Variants in PIK3R5 observed in about 807,000 individuals in gnomAD.
PIK3R5 encodes the protein phosphoinositide 3-kinase regulatory subunit 5.
Under a neutral mutation model 94.9 loss-of-function variants are expected in PIK3R5, and 32 were observed. The ratio of observed to expected loss-of-function variants is 0.34; its 90% CI spans 0.25 to 0.45. The LOEUF (loss-of-function observed/expected upper bound fraction) is 0.45. Ranked by LOEUF, PIK3R5 falls within the 20% of genes least tolerant of loss-of-function variation. PIK3R5 has a pLI of 1.00. For synonymous variants in PIK3R5, 443 were observed against 479.4 expected (o/e 0.92, Z 0.99); for missense variants, 853 against 1,144.6 (o/e 0.75, Z 3.68).
At position 8,904,734 on chromosome 17, in the gene PIK3R5, C is replaced by T. The variant is rs747313258; in HGVS notation, c.412+43G>A. ...TTCAGAGGAGTTGGAAGCATTCTGA[C>T]CTTCTGAGCCCTGTCCCCCGTGCCA... On this transcript the variant is annotated intron_variant, in intron 5 of 18. Coordinates refer to ENST00000447110, the MANE Select transcript of PIK3R5 (RefSeq NM_001142633.3). This position sits in a 1 kb window ranked among gnomAD's most constrained non-coding sequence, Gnocchi z 5.1. 3.1e-5 allele frequency: 49 copies of T among 1,602,062 alleles called. No individual in the cohort carries two copies. The highest frequency in any genetic ancestry group is 3.4e-5 in the Non-Finnish European group (40 of 1,171,654).
Position 8,902,249 on chromosome 17 carries a change from A to ATTTT in PIK3R5, c.412+2524_412+2527dup, listed in dbSNP as rs397960477. 6.5e-5 allele frequency among the ~76,000 whole-genome samples: 5 copies of ATTTT among 77,192 alleles called. 1 individual carries two copies. In the East Asian group the frequency reaches 1.3e-3, roughly 19 times the overall value. 50.6% of individuals were successfully genotyped at this position (77,192 alleles called of 152,430 possible). On this transcript the variant is annotated intron_variant, in intron 5 of 18. Transcript: ENST00000447110. ...ACCTCTTCATGGGTTTGATATATTA[A>ATTTT]TTTTTTTTTTTTTTTTTTTTTTTTT...
Position 8,904,643 on chromosome 17 carries a change from T to C in PIK3R5, c.412+134A>G. 1.2e-6 allele frequency: 1 copy of C among 824,120 alleles called. No homozygotes were observed. The highest frequency in any genetic ancestry group is 1.7e-5 in the South Asian group (1 of 60,498). The allele number at this position is 824,120 out of a possible 1,614,324, so 51.1% of individuals were successfully genotyped here. ...TGCTGTGAAGAGGAGACTCCATGTT[T>C]GTGAACCAAGGCGTTGGCAGAGATG... On this transcript the variant is annotated intron_variant, in intron 5 of 18. Coordinates refer to ENST00000447110, the MANE Select transcript of PIK3R5 (RefSeq NM_001142633.3). This position sits in a 1 kb window ranked among gnomAD's most constrained non-coding sequence, Gnocchi z 5.1.
intron 14 of PIK3R5, among the ~76,000 whole-genome samples, chr17:8,885,808 G>T (rs2089826113): frequency 1.0e-5 from 1 of 96,534 alleles, no homozygotes; most frequent in Non-Finnish European, 2.0e-5. Flanking sequence ...GCCCTCCCAT[G>T]GCCCCACCTC....
Position 8,945,612 on chromosome 17 carries a change from A to G in PIK3R5, c.-14+19984T>C, listed in dbSNP as rs1297830004. Among the ~76,000 whole-genome samples, 3 of 152,106 alleles carry G rather than the reference A, an allele frequency of 2.0e-5. No homozygotes were observed. The highest frequency in any genetic ancestry group is 7.2e-5 in the African/African-American group (3 of 41,414). ...CACCGTAGTCCAGAAACAACACAAA[A>G]TGAGAACTCCTCCCCAGAAAAATAG... On this transcript the variant is annotated intron_variant, in intron 1 of 18. Coordinates refer to ENST00000447110, the MANE Select transcript of PIK3R5 (RefSeq NM_001142633.3). The surrounding 1 kb of genome is among the most constrained non-coding windows in gnomAD (Gnocchi z 4.0).
At chr17:8,959,129 C>A (rs2091514511) in intron 1 of PIK3R5, among the ~76,000 whole-genome samples, 5 of 152,156 alleles carry the variant, frequency 3.3e-5, no homozygotes, top group Admixed American at 2.0e-4. Context: ...AACAACAGAG[C>A]AGTGGCCCAG....
At chr17:8,913,507 A>T (rs1309978326) in intron 1 of PIK3R5, among the ~76,000 whole-genome samples, 2 of 152,080 alleles carry the variant, frequency 1.3e-5, no homozygotes, top group Non-Finnish European at 1.5e-5. Context: ...AGGATTTCGA[A>T]TCCAGCCTGG....
Position 8,888,209 on chromosome 17 carries a change from C to G in PIK3R5, c.1578G>C (p.Arg526=), listed in dbSNP as rs757670769. ...TLRVVVFGSD[R]ISGKVARAYS... ...ACGCCCGAGCCACCTTCCCTGAAATCCGATCGGAGCCAAAGACCACAACAC... is the reference window on the plus strand; with the variant it reads ...ACGCCCGAGCCACCTTCCCTGAAATGCGATCGGAGCCAAAGACCACAACAC... The change falls in exon 10 of 19, where the codon CGG becomes CGC. Residue 526 remains arginine, a synonymous_variant. Coordinates refer to ENST00000447110, the MANE Select transcript of PIK3R5 (RefSeq NM_001142633.3). This position sits in a 1 kb window ranked among gnomAD's most constrained non-coding sequence, Gnocchi z 7.8. 1.2e-6 allele frequency: 2 copies of G among 1,613,460 alleles called. No individual in the cohort carries two copies. Among genetic ancestry groups the G allele is most frequent in the South Asian group, 2.2e-5 (2 of 91,078 alleles).
At position 8,890,836 on chromosome 17, in the gene PIK3R5, G is replaced by A. The variant is rs759176797; in HGVS notation, c.559C>T (p.His187Tyr). 18 of 1,613,542 alleles carry A rather than the reference G, an allele frequency of 1.1e-5. No homozygotes were observed. Among genetic ancestry groups the A allele is most frequent in the Non-Finnish European group, 1.5e-5 (18 of 1,179,788 alleles). The change falls in exon 7 of 19, where the codon CAC (histidine) becomes TAC (tyrosine). Residue 187 changes from histidine (H) to tyrosine (Y), a missense_variant. This residue lies in a region of PIK3R5 where 161 missense variants were observed against 249.5 expected (regional missense o/e 0.65). Transcript: ENST00000447110. The surrounding 1 kb of genome is among the most constrained non-coding windows in gnomAD (Gnocchi z 6.1). ...AVANKLSTPG[H>Y]SPHSAYTTLL... The stretch of plus-strand genomic sequence containing the variant: ...GTGGTGTAGGCACTGTGAGGCGAGT[G>A]TCCGGGCGTACTCAGCTTATTGGCT...
Position 8,935,830 on chromosome 17 carries a change from G to A in PIK3R5, c.-13-24323C>T, listed in dbSNP as rs958989312. Reference sequence around the variant, plus strand: ...AGCACTTTGGGAGGCTGAGGCGGGCGGATCACGAGGTCAGGAGATCGAGAC... The same window carrying A: ...AGCACTTTGGGAGGCTGAGGCGGGCAGATCACGAGGTCAGGAGATCGAGAC... On this transcript the variant is annotated intron_variant, in intron 1 of 18. Transcript: ENST00000447110. This position sits in a 1 kb window ranked among gnomAD's most constrained non-coding sequence, Gnocchi z 4.5. Among the ~76,000 whole-genome samples the A allele has an allele frequency of 2.0e-5, 3 of 152,148 alleles. No individual in the cohort carries two copies. The highest frequency in any genetic ancestry group is 4.8e-5 in the African/African-American group (2 of 41,508).
intron 1 of PIK3R5, among the ~76,000 whole-genome samples, chr17:8,965,214 C>G (rs1288271414): frequency 6.6e-6 from 1 of 152,230 alleles, no homozygotes; most frequent in East Asian, 1.9e-4. Context: ...CACAAGAGCC[C>G]TGATGCCCAC....
intron 1 of PIK3R5, among the ~76,000 whole-genome samples, chr17:8,921,709 G>A (rs889784807): frequency 3.3e-5 from 5 of 151,948 alleles, no homozygotes; most frequent in East Asian, 1.9e-4. Context: ...TGAGGGACAC[G>A]AAAAAGCAAA....
intron 1 of PIK3R5, among the ~76,000 whole-genome samples, chr17:8,919,959 G>C (rs968085988): frequency 7.0e-6 from 1 of 143,170 alleles, no homozygotes; most frequent in African/African-American, 2.6e-5. Context: ...GCGTGATCTC[G>C]GCTCACTGCA....
Position 8,922,781 on chromosome 17 carries a change from C to T in PIK3R5, c.-13-11274G>A, listed in dbSNP as rs545056615. Among the ~76,000 whole-genome samples, 86 of 151,990 alleles carry T rather than the reference C, an allele frequency of 5.7e-4. 2 individuals carry two copies. The highest frequency in any genetic ancestry group is 3.5e-3 in the Admixed American group (54 of 15,266). On this transcript the variant is annotated intron_variant, in intron 1 of 18. Coordinates refer to ENST00000447110, the MANE Select transcript of PIK3R5 (RefSeq NM_001142633.3). ...CCAGATGAGTCTGTTACAGCAGTGACGGTAGCTAGTGGGCAGGAGAAGGAC... is the reference window on the plus strand; with the variant it reads ...CCAGATGAGTCTGTTACAGCAGTGATGGTAGCTAGTGGGCAGGAGAAGGAC...
chr17:8,909,824 G>A lies in PIK3R5; in HGVS notation c.104-650C>T, dbSNP rs2090484620. ...TCTCCTGCCCTGGTTTCCTACAGTG[G>A]GTTCTGGTACCTATGAGTTGCAGGG... On this transcript the variant is annotated intron_variant, in intron 2 of 18. Coordinates refer to ENST00000447110, the MANE Select transcript of PIK3R5 (RefSeq NM_001142633.3). This position sits in a 1 kb window ranked among gnomAD's most constrained non-coding sequence, Gnocchi z 4.3. Among the ~76,000 whole-genome samples, 1 of 152,176 alleles carries A rather than the reference G, an allele frequency of 6.6e-6. No homozygotes were observed. Among genetic ancestry groups the A allele is most frequent in the Non-Finnish European group, 1.5e-5 (1 of 68,048 alleles).
chr17:8,961,712 G>A (rs1173575918), intron 1 of PIK3R5, among the ~76,000 whole-genome samples: 2 of 152,072 alleles, frequency 1.3e-5, no homozygotes, highest in Non-Finnish European at 2.9e-5. Context: ...CATGGCAGCA[G>A]GAGAGAAGCT....
Position 8,925,202 on chromosome 17 carries a change from GGATA to G in PIK3R5, c.-13-13699_-13-13696del, listed in dbSNP as rs201253539. 3.7e-3 allele frequency among the ~76,000 whole-genome samples: 563 copies of G among 150,858 alleles called. 15 individuals carry two copies. In the East Asian group the frequency reaches 0.065, roughly 18 times the overall value. ...GTAGATAGATAGACAGAAAGTAGAT[GGATA>G]GATAGATAGATAGTAGATGGATAGA... On this transcript the variant is annotated intron_variant, in intron 1 of 18. Transcript: ENST00000447110. The surrounding 1 kb of genome is among the most constrained non-coding windows in gnomAD (Gnocchi z 5.1).
intron 1 of PIK3R5, among the ~76,000 whole-genome samples, chr17:8,923,269 C>T (rs1372935106): frequency 1.3e-5 from 2 of 152,122 alleles, no homozygotes; most frequent in Admixed American, 6.5e-5. Flanking sequence ...TCCACTCTAC[C>T]CAGGTACAGT....
At chr17:8,887,973 C>A (rs2089913145) in intron 10 of PIK3R5, among the ~76,000 whole-genome samples, 198 bp downstream of exon 10, 2 of 149,050 alleles carry the variant, frequency 1.3e-5, no homozygotes, top group South Asian at 4.2e-4. Flanking sequence ...TGCACTCCAG[C>A]CCGGGCAACA....
chr17:8,947,536 G>A (rs540613906), intron 1 of PIK3R5, among the ~76,000 whole-genome samples: 16 of 152,098 alleles, frequency 1.1e-4, no homozygotes, highest in Non-Finnish European at 2.2e-4. Flanking sequence ...ACAACAACAA[G>A]AGGCTGGAAG....
Sources: allele counts gnomAD v4.1 joint callset (sites outside exome capture counted in the v4.1 genomes callset), GRCh38; gene constraint gnomAD v4.1.1; regional missense constraint gnomAD v4.1.1; non-coding constraint Gnocchi (gnomAD v3.1); transcripts MANE v1.5; gene names NCBI Gene and HGNC (gene_info 2026-07-23, HGNC 2026-07-21).